Variants in SCNN1G observed in about 807,000 individuals in gnomAD.
SCNN1G encodes the protein epithelial sodium channel subunit gamma.
A neutral mutation model predicts 64.6 loss-of-function variants in SCNN1G; 27 were observed. The observed-to-expected ratio is 0.42, with a 90% CI of 0.31 to 0.58. The LOEUF is 0.58. Ranked by LOEUF, SCNN1G falls within the 20% of genes least tolerant of loss-of-function variation. The pLI is 0.18. For missense variants in SCNN1G, 743 were observed against 823.4 expected (o/e 0.90, Z 1.19); for synonymous variants, 330 against 314.2 (o/e 1.05, Z -0.53).
chr16:23,212,525 A>C (rs1960096752), intron 8 of SCNN1G, among the ~76,000 whole-genome samples, 153 bp from the exon 9 acceptor site: 1 of 152,236 alleles, frequency 6.6e-6, no homozygotes, highest in South Asian at 2.1e-4. Context: ...GTTTCCCAAC[A>C]TCACAATGCA....
Position 23,189,518 on chromosome 16 carries a change from C to T in SCNN1G, c.465C>T (p.Ser155=). 1 of 1,614,202 alleles carries T rather than the reference C, an allele frequency of 6.2e-7. No individual in the cohort carries two copies. Among genetic ancestry groups the T allele is most frequent in the South Asian group, 1.1e-5 (1 of 91,088 alleles). ...CAGAGGGAAAGCAGCCTAGATTCTCCCACCGGATTCCGCTGCTGATCTTTG... is the reference window on the plus strand; with the variant it reads ...CAGAGGGAAAGCAGCCTAGATTCTCTCACCGGATTCCGCTGCTGATCTTTG... ...SVSEGKQPRF[S]HRIPLLIFDQ... is the part of the protein sequence containing the mutation. Residue 155 remains serine (S), a synonymous_variant, in exon 3 of 13, where the codon TCC becomes TCT. Transcript: ENST00000300061.
At position 23,197,443 on chromosome 16, in the gene SCNN1G, C is replaced by A. The variant is rs2141934729; in HGVS notation, c.1077+16C>A. On this transcript the variant is annotated intron_variant, in intron 6 of 12. Transcript: ENST00000300061. ...AATGCACCTGGTAAGAGAATATTCT[C>A]ATTTCCATAGGCTTGGAGAGAACAG... The A allele has an allele frequency of 6.2e-7, 1 of 1,608,756 alleles. No individual in the cohort carries two copies. Among genetic ancestry groups the A allele is most frequent in the South Asian group, 1.1e-5 (1 of 90,930 alleles).
chr16:23,208,478 T>A (rs1252794732), intron 6 of SCNN1G, among the ~76,000 whole-genome samples: 1 of 152,076 alleles, frequency 6.6e-6, no homozygotes, highest in African/African-American at 2.4e-5. Context: ...TCTAAGAAAG[T>A]CAACATCCTT....
chr16:23,212,157 T>A lies in SCNN1G; in HGVS notation c.1294+6T>A. Reference sequence around the variant, plus strand: ...CCAGCAGCACCCCAACTGGAGTGAGTGAGACCCAGCTCCAGCCTTGCATGC... The same window carrying A: ...CCAGCAGCACCCCAACTGGAGTGAGAGAGACCCAGCTCCAGCCTTGCATGC... On this transcript the variant is annotated splice_donor_region_variant and intron_variant, in intron 8 of 12. Coordinates refer to ENST00000300061, the MANE Select transcript of SCNN1G (RefSeq NM_001039.4). 6.3e-7 allele frequency: 1 copy of A among 1,581,650 alleles called. No individual in the cohort carries two copies. The highest frequency in any genetic ancestry group is 8.7e-7 in the Non-Finnish European group (1 of 1,150,696).
rs1242602622 is a variant in SCNN1G at position 23,215,531 on chromosome 16, G to T, written c.*62G>T. 6.3e-7 allele frequency: 1 copy of T among 1,588,076 alleles called. No homozygotes were observed. Among genetic ancestry groups the T allele is most frequent in the African/African-American group, 1.3e-5 (1 of 74,618 alleles). On this transcript the variant is annotated 3_prime_UTR_variant, in exon 13 of 13. Transcript: ENST00000300061. ...AGCCATGGTCTAAGGACATGGATCG[G>T]GTGCCCCCAGACGTGTGCACAGGGG...
chr16:23,197,334 G>A lies in SCNN1G; in HGVS notation c.984G>A (p.Lys328=), dbSNP rs12447209. The change falls in exon 6 of 13, where the codon AAG becomes AAA. Residue 328 remains lysine, a synonymous_variant. Coordinates refer to ENST00000300061, the MANE Select transcript of SCNN1G (RefSeq NM_001039.4). ...NPFLVSSTGA[K]VIIHRQDEYP... ...TCCTCGTGTCCTCCACTGGAGCTAAGGTGATCATCCATCGGCAGGATGAGT... is the reference window on the plus strand; with the variant it reads ...TCCTCGTGTCCTCCACTGGAGCTAAAGTGATCATCCATCGGCAGGATGAGT... 4 of 1,613,866 alleles carry A rather than the reference G, an allele frequency of 2.5e-6. No individual in the cohort carries two copies. The highest frequency in any genetic ancestry group is 3.4e-6 in the Non-Finnish European group (4 of 1,179,750).
chr16:23,194,294 G>C lies in SCNN1G; in HGVS notation c.913+20G>C. The C allele has an allele frequency of 6.5e-7, 1 of 1,540,140 alleles. No individual in the cohort carries two copies. The highest frequency in any genetic ancestry group is 1.1e-5 in the South Asian group (1 of 89,494). ...AATATGGTAAGGAAACCTGTGCCAA[G>C]GAGATCTTGAGGCCCTCCAATAGTG... On this transcript the variant is annotated intron_variant, in intron 5 of 12. Coordinates refer to ENST00000300061, the MANE Select transcript of SCNN1G (RefSeq NM_001039.4).
intron 6 of SCNN1G, among the ~76,000 whole-genome samples, chr16:23,205,397 A>G (rs1233480821): frequency 6.6e-6 from 1 of 152,066 alleles, no homozygotes; most frequent in Non-Finnish European, 1.5e-5. Context: ...CCCAAAGCAA[A>G]CAAAACCTCC....
intron 11 of SCNN1G, among the ~76,000 whole-genome samples, 185 bp from the exon 12 acceptor site, chr16:23,214,527 C>A (rs1240717469): frequency 6.6e-6 from 1 of 152,138 alleles, no homozygotes; most frequent in Non-Finnish European, 1.5e-5. Flanking sequence ...ACCTGTGGAC[C>A]AGATCCAGGC....
intron 6 of SCNN1G, among the ~76,000 whole-genome samples, chr16:23,202,581 G>T (rs768227637): frequency 8.5e-5 from 13 of 152,202 alleles, no homozygotes; most frequent in Non-Finnish European, 1.8e-4. Context: ...AATCATTTTA[G>T]TGGAAGTACA....
chr16:23,194,588 G>T (rs1410134623), intron 5 of SCNN1G, among the ~76,000 whole-genome samples: 1 of 152,204 alleles, frequency 6.6e-6, no homozygotes, highest in African/African-American at 2.4e-5. Flanking sequence ...CAGGACAGGT[G>T]GTTTCCAAAG....
chr16:23,186,099 C>A, intron 1 of SCNN1G, 129 bp from the exon 2 acceptor site: 1 of 680,718 alleles, frequency 1.5e-6, no homozygotes. Context: ...AGTGCCTAAG[C>A]CACAGAGGAA....
rs13306659 is a variant in SCNN1G, at chr16:23,214,797, G to A, written c.1569+10G>A. 2,998 of 1,607,686 alleles carry A rather than the reference G, an allele frequency of 1.9e-3. 88 individuals are homozygous for A. The East Asian group carries it at 0.059, about 32-fold the overall frequency. ...GAGCCCAGCCAACAGTGTGAGTAGA[G>A]TGGCTTCCTTCCAGGACCTGTCCTG... On this transcript the variant is annotated intron_variant, in intron 12 of 12. Coordinates refer to ENST00000300061, the MANE Select transcript of SCNN1G (RefSeq NM_001039.4).
intron 11 of SCNN1G, 57 bp downstream of exon 11, chr16:23,213,220 C>A: frequency 3.3e-6 from 4 of 1,206,306 alleles, no homozygotes; most frequent in South Asian, 1.2e-5. Flanking sequence ...CCAGCCTTCT[C>A]ACTTGCTTCT....
chr16:23,184,736 G>C (rs1959578088), intron 1 of SCNN1G, among the ~76,000 whole-genome samples: 2 of 144,716 alleles, frequency 1.4e-5, no homozygotes, highest in Admixed American at 1.5e-4. Flanking sequence ...ATATTTCATG[G>C]GTTCAGGGTG....
At chr16:23,206,199 G>C (rs1213397523) in intron 6 of SCNN1G, among the ~76,000 whole-genome samples, 2 of 152,188 alleles carry the variant, frequency 1.3e-5, no homozygotes, top group Non-Finnish European at 2.9e-5. Flanking sequence ...TACTGGCTGG[G>C]ACAAGAGTTA....
At chr16:23,213,963 G>A (rs1165581855) in intron 11 of SCNN1G, among the ~76,000 whole-genome samples, 2 of 152,218 alleles carry the variant, frequency 1.3e-5, no homozygotes, top group East Asian at 1.9e-4. Flanking sequence ...AAATTCAAAA[G>A]TTCTGGCAAG....
Position 23,194,292 on chromosome 16 carries a change from A to G in SCNN1G, c.913+18A>G, listed in dbSNP as rs751978769. 1 of 1,542,494 alleles carries G rather than the reference A, an allele frequency of 6.5e-7. No homozygotes were observed. Among genetic ancestry groups the G allele is most frequent in the South Asian group, 1.1e-5 (1 of 89,564 alleles). On this transcript the variant is annotated intron_variant, in intron 5 of 12. Coordinates refer to ENST00000300061, the MANE Select transcript of SCNN1G (RefSeq NM_001039.4). Reference sequence around the variant, plus strand: ...CGAATATGGTAAGGAAACCTGTGCCAAGGAGATCTTGAGGCCCTCCAATAG... The same window carrying G: ...CGAATATGGTAAGGAAACCTGTGCCGAGGAGATCTTGAGGCCCTCCAATAG...
Position 23,186,541 on chromosome 16 carries a change from G to C in SCNN1G, c.270G>C (p.Arg90=). The C allele has an allele frequency of 6.2e-7, 1 of 1,613,708 alleles. No homozygotes were observed. Among genetic ancestry groups the C allele is most frequent in the Non-Finnish European group, 8.5e-7 (1 of 1,180,024 alleles). Reference sequence around the variant, plus strand: ...CAGTTTCCATCAAAGTCCACTTCCGGAAGCTGGATTTTCCTGCAGTCACCA... The same window carrying C: ...CAGTTTCCATCAAAGTCCACTTCCGCAAGCTGGATTTTCCTGCAGTCACCA... ...TVSVSIKVHF[R]KLDFPAVTIC... is the part of the protein sequence containing the mutation. The change falls in exon 2 of 13, where the codon CGG becomes CGC. Residue 90 remains arginine, a synonymous_variant. Transcript: ENST00000300061.
Sources: gnomAD v4.1 joint callset for allele counts (sites outside exome capture counted in the v4.1 genomes callset) on GRCh38, gnomAD v4.1.1 for gene constraint, MANE v1.5 for transcripts, NCBI Gene and HGNC (gene_info 2026-07-23, HGNC 2026-07-21) for gene names.